Variants in ULK4 observed in about 807,000 individuals in gnomAD.
ULK4 encodes inactive serine/threonine-protein kinase ULK4.
ULK4 carries 133 observed loss-of-function variants against 160.6 expected under a neutral mutation model. The observed-to-expected ratio is 0.83, with a 90% CI of 0.72 to 0.96. ULK4 has a LOEUF of 0.96. Among genes scored for constraint, ULK4 ranks in the 40% least tolerant of loss-of-function variants. The probability of loss-of-function intolerance (pLI) is 0.00; values close to 1 mark genes in which losing one functional copy is unlikely to be tolerated. For synonymous variants in ULK4, 534 were observed against 539.8 expected, an observed-to-expected ratio of 0.99 and a Z score of 0.15; for missense variants, 1,580 against 1,499.5, an observed-to-expected ratio of 1.05 and a Z score of -0.89.
intron 31 of ULK4, among the ~76,000 whole-genome samples, chr3:41,600,327 G>C (rs1049636136): frequency 6.6e-6 from 1 of 152,158 alleles, no homozygotes; most frequent in Admixed American, 6.5e-5. Context: ...CTACTGGTGG[G>C]CTTTAATCAA....
At chr3:41,800,440 C>A in intron 19 of ULK4, 147 bp from the exon 20 acceptor site, 1 of 702,748 alleles carries the variant, frequency 1.4e-6, no homozygotes. Flanking sequence ...ATAACTCTTT[C>A]AGGTCATTAT....
chr3:41,729,311 G>T (rs2037750155), intron 22 of ULK4, among the ~76,000 whole-genome samples: 1 of 152,208 alleles, frequency 6.6e-6, no homozygotes. Context: ...AGTTTTCGTT[G>T]CTGAAGAATC....
rs373259153 is a variant in ULK4, at chr3:41,585,594, G to A, written c.3121-19464C>T. Among the ~76,000 whole-genome samples the A allele has an allele frequency of 1.8e-4, 27 of 152,156 alleles. No individual in the cohort carries two copies. In the South Asian group the frequency reaches 5.2e-3, roughly 29 times the overall value. On this transcript the variant is annotated intron_variant, in intron 31 of 36. Coordinates refer to ENST00000301831, the MANE Select transcript of ULK4 (RefSeq NM_017886.4). The stretch of plus-strand genomic sequence containing the variant: ...GAAGAAAACATAGAGGAAAGCTTTG[G>A]GACATTGAATTTGGCAATGATTTCT...
chr3:41,870,769 A>G (rs915029152), intron 17 of ULK4, among the ~76,000 whole-genome samples: 1 of 152,138 alleles, frequency 6.6e-6, no homozygotes, highest in African/African-American at 2.4e-5. Context: ...CCCTCATACA[A>G]TCCTTATGCA....
intron 35 of ULK4, among the ~76,000 whole-genome samples, chr3:41,269,896 G>A (rs6793667): frequency 0.31 from 46,853 of 151,912 alleles, 7,529 homozygotes; most frequent in Middle Eastern, 0.35. Context: ...TGCTACCCTT[G>A]GTACTTTGTG....
At chr3:41,829,709 T>C (rs1433183883) in intron 18 of ULK4, among the ~76,000 whole-genome samples, 4 of 152,188 alleles carry the variant, frequency 2.6e-5, no homozygotes, top group Admixed American at 2.6e-4. Flanking sequence ...GACTGTAAAC[T>C]AGTTCAACCA....
At chr3:41,825,170 C>A (rs569189544) in intron 18 of ULK4, among the ~76,000 whole-genome samples, 9 of 151,832 alleles carry the variant, frequency 5.9e-5, no homozygotes, top group African/African-American at 1.7e-4. Flanking sequence ...CTGTACATCA[C>A]CATCATCAAA....
chr3:41,315,465 A>AT (rs2080127899), intron 35 of ULK4, among the ~76,000 whole-genome samples: 1 of 152,276 alleles, frequency 6.6e-6, no homozygotes, highest in African/African-American at 2.4e-5. Flanking sequence ...AGAAACAAGC[A>AT]TAACTTGTAG....
chr3:41,919,556 C>T (rs1470585186), intron 6 of ULK4, among the ~76,000 whole-genome samples, 161 bp downstream of exon 6: 2 of 152,128 alleles, frequency 1.3e-5, no homozygotes, highest in African/African-American at 4.8e-5. Flanking sequence ...GAGCCGAGAT[C>T]GTGCCACTGC....
intron 12 of ULK4, among the ~76,000 whole-genome samples, chr3:41,906,051 A>C (rs984946665): frequency 6.6e-6 from 1 of 151,980 alleles, no homozygotes; most frequent in South Asian, 2.1e-4. Context: ...CCCCGTCTGC[A>C]CTAAAAACAC....
intron 22 of ULK4, among the ~76,000 whole-genome samples, chr3:41,753,393 A>G (rs141706232): frequency 6.6e-6 from 1 of 152,190 alleles, no homozygotes; most frequent in Non-Finnish European, 1.5e-5. Context: ...TCAGTATTCT[A>G]GAACAAGTAA....
chr3:41,474,260 G>A lies in ULK4; in HGVS notation c.3227-11007C>T, dbSNP rs375778032. ...TATCAAGAACATATAATAGGGAAAC[G>A]ACTGTCTCTTCAGTAAATGGTGCTA... On this transcript the variant is annotated intron_variant, in intron 32 of 36. Coordinates refer to ENST00000301831, the MANE Select transcript of ULK4 (RefSeq NM_017886.4). 3.9e-5 allele frequency among the ~76,000 whole-genome samples: 6 copies of A among 152,240 alleles called. No individual in the cohort carries two copies. The East Asian group carries it at 5.8e-4, about 15-fold the overall frequency.
intron 2 of ULK4, among the ~76,000 whole-genome samples, chr3:41,948,680 CAATT>C (rs1700187557): frequency 1.5e-5 from 2 of 136,626 alleles, no homozygotes; most frequent in Non-Finnish European, 3.1e-5. Flanking sequence ...ATGATCATCT[CAATT>C]AATACAGAAA....
chr3:41,629,284 CCTCA>C (rs1487782494), intron 30 of ULK4, among the ~76,000 whole-genome samples: 2 of 152,072 alleles, frequency 1.3e-5, no homozygotes, highest in Non-Finnish European at 2.9e-5. Context: ...CTGAAGGTTT[CCTCA>C]CTCACACTTC....
chr3:41,716,085 C>A (rs759957140), intron 23 of ULK4, among the ~76,000 whole-genome samples: 1 of 151,144 alleles, frequency 6.6e-6, no homozygotes. Context: ...TGATGGTGTG[C>A]GCCTGTAGTC....
chr3:41,350,835 C>T (rs1459957466), intron 35 of ULK4, among the ~76,000 whole-genome samples: 1 of 152,156 alleles, frequency 6.6e-6, no homozygotes, highest in Non-Finnish European at 1.5e-5. Context: ...AGGCTTTGTC[C>T]TTCTGGAGAC....
intron 35 of ULK4, among the ~76,000 whole-genome samples, chr3:41,270,403 G>A (rs1575378223): frequency 6.6e-6 from 1 of 151,936 alleles, no homozygotes; most frequent in Non-Finnish European, 1.5e-5. Context: ...CCCTAGAGTT[G>A]TCCTGCACAT....
At chr3:41,315,954 T>C (rs992821153) in intron 35 of ULK4, among the ~76,000 whole-genome samples, 3 of 152,314 alleles carry the variant, frequency 2.0e-5, no homozygotes, top group South Asian at 4.1e-4. Context: ...GGACTATAAA[T>C]GGTCAGCTAC....
chr3:41,871,377 T>G (rs575483582), intron 17 of ULK4, among the ~76,000 whole-genome samples: 2 of 152,342 alleles, frequency 1.3e-5, no homozygotes, highest in African/African-American at 4.8e-5. Context: ...ATATGTATAT[T>G]CATATGGATA....
Sources: allele counts gnomAD v4.1 joint callset (sites outside exome capture counted in the v4.1 genomes callset), GRCh38; gene constraint gnomAD v4.1.1; transcripts MANE v1.5; gene names NCBI Gene and HGNC (gene_info 2026-07-23, HGNC 2026-07-21).